Variants in IPO8 observed in about 807,000 individuals in gnomAD.
The protein encoded by IPO8 is importin 8.
IPO8 carries 65 observed loss-of-function variants against 141.2 expected under a neutral mutation model. The observed-to-expected ratio is 0.46, with a 90% CI of 0.38 to 0.57. The LOEUF (loss-of-function observed/expected upper bound fraction) is 0.57. IPO8 is among the 20% of genes least tolerant of loss of function. The pLI is 0.00. For synonymous variants in IPO8, 411 were observed against 420.3 expected, an observed-to-expected ratio of 0.98 and a Z score of 0.27; for missense variants, 980 against 1,246.8, an observed-to-expected ratio of 0.79 and a Z score of 3.22.
Position 30,636,995 on chromosome 12 carries a change from A to G in IPO8, c.2682T>C (p.Asp894=), listed in dbSNP as rs768064236. ...AGAAGACTTTACCATTTTCTTCCAT[A>G]TCAGCTTTCTCTGCTTTTGAACGAT... ...REDRSKAEKA[D]MEENEEISSD... The change falls in exon 22 of 25, where the codon GAT becomes GAC. Residue 894 remains aspartate (D), a synonymous_variant. Coordinates refer to ENST00000256079, the MANE Select transcript of IPO8 (RefSeq NM_006390.4). 1 of 1,613,782 alleles carries G rather than the reference A, an allele frequency of 6.2e-7. No homozygotes were observed. The highest frequency in any genetic ancestry group is 1.1e-5 in the South Asian group (1 of 91,068).
At chr12:30,656,174 C>G (rs1366028504) in intron 17 of IPO8, among the ~76,000 whole-genome samples, 2 of 152,264 alleles carry the variant, frequency 1.3e-5, no homozygotes, top group East Asian at 3.9e-4. Flanking sequence ...GTAGCTGGCA[C>G]CACAGACACA....
At chr12:30,676,977 A>G (rs2053129529) in intron 5 of IPO8, 3 of 1,531,210 alleles carry the variant, frequency 2.0e-6, no homozygotes, top group Middle Eastern at 1.7e-4. Context: ...CATTTTTTTA[A>G]ATTACTTTCC....
chr12:30,686,873 C>T (rs548381234), intron 2 of IPO8, among the ~76,000 whole-genome samples: 20 of 151,880 alleles, frequency 1.3e-4, no homozygotes, highest in African/African-American at 4.1e-4. Flanking sequence ...TCAAACGAGA[C>T]AGCCTTTAAA....
intron 5 of IPO8, chr12:30,677,392 T>C (rs1211326432): frequency 6.0e-6 from 2 of 335,056 alleles, no homozygotes; most frequent in East Asian, 7.6e-5. Flanking sequence ...GTATAAAGTA[T>C]AGCAATTTTA....
chr12:30,656,813 G>C, intron 16 of IPO8, 63 bp from the exon 17 acceptor site: 2 of 773,026 alleles, frequency 2.6e-6, no homozygotes, highest in Non-Finnish European at 3.9e-6. Flanking sequence ...ATTTAATATT[G>C]TGCCAATAAA....
chr12:30,693,211 C>T (rs1311219943), intron 1 of IPO8, among the ~76,000 whole-genome samples: 1 of 152,182 alleles, frequency 6.6e-6, no homozygotes, highest in Non-Finnish European at 1.5e-5. Flanking sequence ...CTCTATGCTG[C>T]CTCTAATGGG....
rs530467045 is a variant in IPO8, at chr12:30,648,579, T to A, written c.2268+558A>T. 1.4e-4 allele frequency among the ~76,000 whole-genome samples: 22 copies of A among 152,160 alleles called. No individual in the cohort carries two copies. The East Asian group carries it at 3.7e-3, about 25-fold the overall frequency. On this transcript the variant is annotated intron_variant, in intron 20 of 24. Coordinates refer to ENST00000256079, the MANE Select transcript of IPO8 (RefSeq NM_006390.4). ...TAGATCTCAAAACTATTATAAGAAA[T>A]ACATAAAGCAAAACTTACAGAAAAG... is the stretch of plus-strand genomic sequence containing the variant.
At chr12:30,652,382 TTAG>T (rs2052740462) in intron 18 of IPO8, 93 bp from the exon 19 acceptor site, 1 of 733,380 alleles carries the variant, frequency 1.4e-6, no homozygotes, top group Non-Finnish European at 2.4e-6. Context: ...CACCCACACA[TTAG>T]TATCTTCCCA....
Position 30,630,510 on chromosome 12 carries a change from A to T in IPO8, c.*350T>A, listed in dbSNP as rs964312037. ...TTCATGTACAACAGAAGGCACTGTT[A>T]TCCGCATAAATCCATTGATTCTGCA... is the stretch of plus-strand genomic sequence containing the variant. On this transcript the variant is annotated 3_prime_UTR_variant, in exon 25 of 25. Transcript: ENST00000256079. The T allele has an allele frequency of 4.4e-6, 1 of 227,002 alleles. No individual in the cohort carries two copies. Among genetic ancestry groups the T allele is most frequent in the Non-Finnish European group, 8.5e-6 (1 of 118,278 alleles). The allele number at this position is 227,002 out of a possible 1,614,324, so 14.1% of individuals were successfully genotyped here.
intron 10 of IPO8, 102 bp downstream of exon 10, chr12:30,669,081 T>C (rs1253689266): frequency 1.9e-6 from 1 of 532,368 alleles, no homozygotes; most frequent in African/African-American, 1.9e-5. Context: ...AAACAGAACC[T>C]GGGAGATTTA....
rs751472954 is a variant in IPO8 at position 30,631,889 on chromosome 12, G to C, written c.3016+6C>G. On this transcript the variant is annotated splice_donor_region_variant and intron_variant, in intron 24 of 24. Transcript: ENST00000256079. ...GCACTCCACTCTGGAGGTTACTCTG[G>C]CTGACCTGCCACCGTCCGTCGGTGC... The C allele has an allele frequency of 1.9e-6, 3 of 1,599,066 alleles. No homozygotes were observed. In the African/African-American group the frequency reaches 4.0e-5, roughly 21 times the overall value.
At chr12:30,644,364 A>G (rs894706505) in intron 20 of IPO8, among the ~76,000 whole-genome samples, 6 of 122,914 alleles carry the variant, frequency 4.9e-5, no homozygotes, top group African/African-American at 2.1e-4. Flanking sequence ...GAGAGATCCA[A>G]TCTCCATTAA....
intron 8 of IPO8, among the ~76,000 whole-genome samples, chr12:30,672,582 C>A (rs2053066786): frequency 6.6e-6 from 1 of 152,000 alleles, no homozygotes. Flanking sequence ...TATGTGTATA[C>A]ATGTATACAC....
chr12:30,645,523 T>A (rs938541456), intron 20 of IPO8, among the ~76,000 whole-genome samples: 1 of 150,080 alleles, frequency 6.7e-6, no homozygotes, highest in Admixed American at 6.6e-5. Context: ...CGGGAAAAAA[T>A]AAGGATTAGA....
intron 5 of IPO8, chr12:30,676,861 C>T: frequency 1.5e-6 from 2 of 1,301,450 alleles, no homozygotes; most frequent in South Asian, 1.3e-5. Context: ...ATTTATTCAG[C>T]ATGAGATTCT....
chr12:30,691,944 T>C (rs563019279), intron 1 of IPO8, among the ~76,000 whole-genome samples: 2 of 152,340 alleles, frequency 1.3e-5, no homozygotes, highest in Non-Finnish European at 2.9e-5. Context: ...ATCTGTGGCA[T>C]GTAAATTCTT....
At chr12:30,684,587 G>A in intron 2 of IPO8, 130 bp from the exon 3 acceptor site, 1 of 760,806 alleles carries the variant, frequency 1.3e-6, no homozygotes. Flanking sequence ...ACTCTTACAG[G>A]TATAAACAGC....
At chr12:30,657,355 T>C (rs2052814211) in intron 16 of IPO8, among the ~76,000 whole-genome samples, 1 of 152,124 alleles carries the variant, frequency 6.6e-6, no homozygotes. Context: ...AAATTCCAAG[T>C]GCAACATTAA....
At chr12:30,655,383 C>A (rs1252176593) in intron 17 of IPO8, among the ~76,000 whole-genome samples, 2 of 152,092 alleles carry the variant, frequency 1.3e-5, no homozygotes, top group Admixed American at 6.5e-5. Flanking sequence ...GATTTATACA[C>A]CGTTTTGAAA....
Sources: allele counts gnomAD v4.1 joint callset (sites outside exome capture counted in the v4.1 genomes callset), GRCh38; gene constraint gnomAD v4.1.1; transcripts MANE v1.5; gene names NCBI Gene and HGNC (gene_info 2026-07-23, HGNC 2026-07-21).